Variants in CRACD observed in about 807,000 individuals in gnomAD.
The protein encoded by CRACD is capping protein inhibiting regulator of actin dynamics, also known as capping protein-inhibiting regulator of actin dynamics.
CRACD carries 56 observed loss-of-function variants against 106.8 expected under a neutral mutation model. The observed-to-expected ratio is 0.52, with a 90% CI of 0.42 to 0.66. CRACD has a LOEUF of 0.66. CRACD is among the 30% of genes least tolerant of loss of function. The pLI is 0.00. For synonymous variants in CRACD, 754 were observed against 670.8 expected (o/e 1.12, Z -1.92); for missense variants, 1,730 against 1,623.2 (o/e 1.07, Z -1.13).
intron 1 of CRACD, among the ~76,000 whole-genome samples, chr4:56,057,944 G>T (rs1165903410): frequency 1.7e-5 from 2 of 114,792 alleles, no homozygotes; most frequent in South Asian, 2.8e-4. Context: ...TCAGCCTCCC[G>T]AGTAGCTGGG....
intron 1 of CRACD, among the ~76,000 whole-genome samples, chr4:56,149,351 A>G (rs534991757): frequency 2.0e-5 from 3 of 152,342 alleles, no homozygotes; most frequent in Admixed American, 6.5e-5. Context: ...TATACTACAA[A>G]TCAGTACAAA....
In CRACD at chr4:56,218,066, C is replaced by G. The variant is rs538074835; in HGVS notation, c.-189+38636C>G. 3.3e-5 allele frequency among the ~76,000 whole-genome samples: 5 copies of G among 152,174 alleles called. No homozygotes were observed. In the East Asian group the frequency reaches 9.7e-4, roughly 29 times the overall value. Reference sequence around the variant, plus strand: ...TCTTTCTCTAGGTGTGTCTTTGTCTCCCAATTTCCCCTTTTTACAAGGACA... The same window carrying G: ...TCTTTCTCTAGGTGTGTCTTTGTCTGCCAATTTCCCCTTTTTACAAGGACA... On this transcript the variant is annotated intron_variant, in intron 2 of 10. Transcript: ENST00000682029.
chr4:56,245,305 T>C (rs2109572739), intron 2 of CRACD, among the ~76,000 whole-genome samples: 1 of 152,340 alleles, frequency 6.6e-6, no homozygotes, highest in East Asian at 1.9e-4. Flanking sequence ...CCAGTTACCA[T>C]TGGTCTGTGG....
At chr4:56,152,077 T>C (rs1735600837) in intron 1 of CRACD, among the ~76,000 whole-genome samples, 1 of 151,234 alleles carries the variant, frequency 6.6e-6, no homozygotes, top group Non-Finnish European at 1.5e-5. Flanking sequence ...TGGTGCGGTC[T>C]CGGCTCACTG....
chr4:56,316,496 A>AGAGCC lies in CRACD; in HGVS notation c.2995_2999dup (p.Glu1002GlnfsTer74). 1 of 1,613,838 alleles carries AGAGCC rather than the reference A, an allele frequency of 6.2e-7. No individual in the cohort carries two copies. Among genetic ancestry groups the AGAGCC allele is most frequent in the South Asian group, 1.1e-5 (1 of 91,042 alleles). On this transcript the variant is annotated frameshift_variant, in exon 8 of 11. Transcript: ENST00000682029. LOFTEE classifies it high-confidence loss of function. ...CTCGCCGAGCGGGGAGGCCGGACCC[A>AGAGCC]GAGCCAAGTGAGCCGTCCAAGGAGG...
At chr4:56,306,272 T>G (rs1183166560) in intron 4 of CRACD, among the ~76,000 whole-genome samples, 1 of 152,088 alleles carries the variant, frequency 6.6e-6, no homozygotes, top group Non-Finnish European at 1.5e-5. Context: ...GGTGGGCGGA[T>G]TGCTTGAGAC....
At chr4:56,283,917 C>G (rs918530701) in intron 3 of CRACD, among the ~76,000 whole-genome samples, 5 of 152,134 alleles carry the variant, frequency 3.3e-5, no homozygotes, top group African/African-American at 1.2e-4. Context: ...TGGAGCAGCT[C>G]CCTGGTTTAA....
At chr4:56,146,174 G>C (rs1422852365) in intron 1 of CRACD, among the ~76,000 whole-genome samples, 1 of 152,024 alleles carries the variant, frequency 6.6e-6, no homozygotes, top group African/African-American at 2.4e-5. Flanking sequence ...ATTCAAAAGA[G>C]TATCTTTTAA....
At chr4:56,157,677 A>G (rs1043672854) in intron 1 of CRACD, among the ~76,000 whole-genome samples, 2 of 152,170 alleles carry the variant, frequency 1.3e-5, no homozygotes, top group Non-Finnish European at 2.9e-5. Flanking sequence ...AGAAAACCAT[A>G]TGGAGTCGTT....
intron 1 of CRACD, among the ~76,000 whole-genome samples, chr4:56,088,295 C>T (rs1733300879): frequency 2.0e-5 from 3 of 152,068 alleles, no homozygotes; most frequent in Admixed American, 6.5e-5. Flanking sequence ...TCAGTCCTTA[C>T]TGGGGCCACC....
intron 2 of CRACD, among the ~76,000 whole-genome samples, chr4:56,263,028 C>T (rs1741799643): frequency 6.6e-6 from 1 of 152,156 alleles, no homozygotes; most frequent in African/African-American, 2.4e-5. Flanking sequence ...GATGCAGAGA[C>T]ACACAAGGCA....
intron 1 of CRACD, among the ~76,000 whole-genome samples, chr4:56,118,041 G>A (rs1734354218): frequency 6.6e-6 from 1 of 152,202 alleles, no homozygotes; most frequent in Non-Finnish European, 1.5e-5. Context: ...TTACAGGCAT[G>A]AGCCACTGCG....
chr4:56,148,858 C>G (rs1735485688), intron 1 of CRACD, among the ~76,000 whole-genome samples: 1 of 151,300 alleles, frequency 6.6e-6, no homozygotes, highest in Non-Finnish European at 1.5e-5. Context: ...TCTTGTTGCC[C>G]AGGCTGGAGT....
chr4:56,255,564 A>G (rs890047663), intron 2 of CRACD, among the ~76,000 whole-genome samples: 5 of 152,206 alleles, frequency 3.3e-5, no homozygotes, highest in East Asian at 3.8e-4. Context: ...ACTTGCAAAC[A>G]TGACTCCTGG....
At chr4:56,220,284 G>A (rs1222602572) in intron 2 of CRACD, among the ~76,000 whole-genome samples, 1 of 152,210 alleles carries the variant, frequency 6.6e-6, no homozygotes, top group African/African-American at 2.4e-5. Context: ...TGGGAGATTA[G>A]CACAGGGATC....
rs112652238 is a variant in CRACD, at chr4:56,103,979, G to C, written c.-336+54680G>C. Among the ~76,000 whole-genome samples the C allele has an allele frequency of 9.6e-3, 1,469 of 152,240 alleles. 27 individuals are homozygous for C. The highest frequency in any genetic ancestry group is 0.065 in the East Asian group (334 of 5,166). On this transcript the variant is annotated intron_variant, in intron 1 of 10. Coordinates refer to ENST00000682029, the MANE Select transcript of CRACD (RefSeq NM_001393381.1). ...ACTAGAGACGGGGTTTCACCATGTT[G>C]ATCAGGATGGTCTCAAACTCCTGAC...
At chr4:56,110,519 A>G (rs1268515510) in intron 1 of CRACD, among the ~76,000 whole-genome samples, 1 of 152,190 alleles carries the variant, frequency 6.6e-6, no homozygotes, top group Non-Finnish European at 1.5e-5. Flanking sequence ...AGGGTAGTCC[A>G]TATTTGAGCA....
chr4:56,289,376 A>G (rs1454327758), intron 3 of CRACD, among the ~76,000 whole-genome samples: 25 of 152,198 alleles, frequency 1.6e-4, no homozygotes, highest in Admixed American at 1.6e-3. Context: ...TTTTGTGTTT[A>G]AGAATTAAAA....
At chr4:56,130,817 T>G (rs1734803741) in intron 1 of CRACD, among the ~76,000 whole-genome samples, 1 of 152,136 alleles carries the variant, frequency 6.6e-6, no homozygotes, top group Non-Finnish European at 1.5e-5. Context: ...TCCTGGGCAC[T>G]GTCTCCTTCT....
Sources: gnomAD v4.1 joint callset for allele counts (sites outside exome capture counted in the v4.1 genomes callset) on GRCh38, gnomAD v4.1.1 for gene constraint, MANE v1.5 for transcripts, NCBI Gene and HGNC (gene_info 2026-07-23, HGNC 2026-07-21) for gene names.